The following OR7C1 variants were observed in gnomAD, a reference collection of about 807,000 sequenced individuals.
OR7C1 encodes the protein olfactory receptor 7C1.
For missense variants in OR7C1, 324 were observed against 383.3 expected (o/e 0.85, Z 1.29); for synonymous variants, 152 against 160.7 (o/e 0.95, Z 0.41).
chr19:14,807,309 A>G (rs940015504), intron 2 of OR7C1, among the ~76,000 whole-genome samples: 3 of 151,896 alleles, frequency 2.0e-5, no homozygotes, highest in African/African-American at 7.3e-5. Flanking sequence ...CAATATATCC[A>G]TTCTTTTTTT....
intron 2 of OR7C1, among the ~76,000 whole-genome samples, chr19:14,802,002 A>G (rs780867183): frequency 2.6e-4 from 39 of 152,202 alleles, no homozygotes; most frequent in Non-Finnish European, 4.4e-4. Context: ...GAGCCAAACC[A>G]TATCAGTCAG....
chr19:14,829,386 A>G (rs2044809007), intron 1 of OR7C1, among the ~76,000 whole-genome samples: 1 of 152,086 alleles, frequency 6.6e-6, no homozygotes, highest in African/African-American at 2.4e-5. Flanking sequence ...TATTTTTAGT[A>G]GAGACGGGGT....
intron 1 of OR7C1, among the ~76,000 whole-genome samples, chr19:14,813,760 AACTC>A (rs1279735337): frequency 7.2e-5 from 11 of 152,052 alleles, no homozygotes; most frequent in Admixed American, 7.2e-4. Flanking sequence ...ATCTTGTGAA[AACTC>A]ACTCACTATC....
intron 1 of OR7C1, among the ~76,000 whole-genome samples, chr19:14,823,312 C>T (rs1387688023): frequency 2.0e-5 from 3 of 151,692 alleles, no homozygotes; most frequent in African/African-American, 4.8e-5. Context: ...ATTAGGTGGG[C>T]GTGGTGGCAT....
At chr19:14,813,617 G>A (rs985923574) in intron 1 of OR7C1, among the ~76,000 whole-genome samples, 1 of 152,078 alleles carries the variant, frequency 6.6e-6, no homozygotes, top group African/African-American at 2.4e-5. Context: ...TTGCCTCACA[G>A]GTCCTTATGA....
chr19:14,827,627 C>T, intron 1 of OR7C1: 1 of 1,614,162 alleles, frequency 6.2e-7, no homozygotes. Flanking sequence ...CTCCACCCAG[C>T]AGCGCAACTG....
intron 1 of OR7C1, among the ~76,000 whole-genome samples, chr19:14,823,899 A>G (rs377363602): frequency 7.8e-5 from 11 of 141,102 alleles, no homozygotes; most frequent in African/African-American, 2.9e-4. Flanking sequence ...TACTCTCACT[A>G]TTGTGCTTTT....
intron 1 of OR7C1, chr19:14,821,433 G>A (rs1416378174): frequency 6.6e-6 from 1 of 152,236 alleles, no homozygotes; most frequent in Non-Finnish European, 1.5e-5. Context: ...TCTCCCAACA[G>A]TGTGGCTCTT....
At chr19:14,801,182 C>T (rs2044640125) in intron 2 of OR7C1, among the ~76,000 whole-genome samples, 1 of 152,184 alleles carries the variant, frequency 6.6e-6, no homozygotes, top group African/African-American at 2.4e-5. Context: ...TCCATGTCTT[C>T]CCTCATTCCT....
At chr19:14,798,677 T>G (rs558936853) in exon 5 of OR7C1, 4 of 153,406 alleles carry the variant, frequency 2.6e-5, no homozygotes, top group African/African-American at 9.6e-5. Flanking sequence ...CATAAAAGAT[T>G]GGTTGGATCA....
chr19:14,812,694 G>A (rs1194514430), intron 1 of OR7C1, among the ~76,000 whole-genome samples: 1 of 151,664 alleles, frequency 6.6e-6, no homozygotes, highest in Non-Finnish European at 1.5e-5. Context: ...GAGGGGTTTT[G>A]TTTGCGGCTC....
chr19:14,819,015 G>C (rs1432848418), intron 1 of OR7C1, among the ~76,000 whole-genome samples: 1 of 151,652 alleles, frequency 6.6e-6, no homozygotes, highest in Non-Finnish European at 1.5e-5. Flanking sequence ...CTATTAACTC[G>C]TCATTTAGCA....
At chr19:14,813,716 A>AG (rs59966243) in intron 1 of OR7C1, among the ~76,000 whole-genome samples, 17,739 of 151,894 alleles carry the variant, frequency 0.12, 2,143 homozygotes, top group African/African-American at 0.3. Flanking sequence ...GAGAGAGAGA[A>AG]GGGGGGCGTG....
chr19:14,832,202 G>A (rs140272127), intron 1 of OR7C1, among the ~76,000 whole-genome samples: 4 of 152,116 alleles, frequency 2.6e-5, no homozygotes, highest in African/African-American at 9.6e-5. Flanking sequence ...GAGTCACCTC[G>A]CTTGGCCTGA....
Position 14,802,245 on chromosome 19 carries a change from C to T in OR7C1, c.-434-1481G>A, listed in dbSNP as rs567720044. Among the ~76,000 whole-genome samples, 9 of 152,312 alleles carry T rather than the reference C, an allele frequency of 5.9e-5. No individual in the cohort carries two copies. In the East Asian group the frequency reaches 1.4e-3, roughly 23 times the overall value. On this transcript the variant is annotated intron_variant, in intron 2 of 4. Transcript: ENST00000641666. ...GTTTTAATATGTCCAATGGGCCGGG[C>T]GTGGTGGCTCACGCCTGTAATCCCA...
intron 1 of OR7C1, among the ~76,000 whole-genome samples, chr19:14,817,466 G>A (rs59420371): frequency 0.028 from 4,233 of 152,268 alleles, 158 homozygotes; most frequent in African/African-American, 0.086. Flanking sequence ...CTCGTCTGGG[G>A]ACAGAGCTTC....
intron 1 of OR7C1, chr19:14,825,840 C>T (rs139785778): frequency 6.6e-6 from 1 of 152,566 alleles, no homozygotes; most frequent in Non-Finnish European, 1.5e-5. Flanking sequence ...ACAAGAAAAG[C>T]ATCATCTTAA....
At chr19:14,806,639 G>T (rs2044667627) in intron 2 of OR7C1, among the ~76,000 whole-genome samples, 1 of 151,948 alleles carries the variant, frequency 6.6e-6, no homozygotes, top group African/African-American at 2.4e-5. Flanking sequence ...GAGGTGTTTG[G>T]TTTTCCATTC....
intron 1 of OR7C1, among the ~76,000 whole-genome samples, chr19:14,822,821 A>G (rs893677806): frequency 6.7e-6 from 1 of 149,736 alleles, no homozygotes; most frequent in East Asian, 1.9e-4. Context: ...TTCTATTGAG[A>G]CATGTCTCTT....
Sources: allele counts gnomAD v4.1 joint callset (sites outside exome capture counted in the v4.1 genomes callset), GRCh38; gene constraint gnomAD v4.1.1; transcripts MANE v1.5; gene names NCBI Gene and HGNC (gene_info 2026-07-23, HGNC 2026-07-21).